The following DTWD2 variants were observed in gnomAD, a reference collection of about 807,000 sequenced individuals.
The protein encoded by DTWD2 is tRNA-uridine aminocarboxypropyltransferase 2.
A neutral mutation model predicts 31.8 loss-of-function variants in DTWD2; 39 were observed. The ratio of observed to expected loss-of-function variants is 1.22; its 90% CI spans 0.95 to 1.60. DTWD2 has a LOEUF of 1.60. Among genes scored for constraint, DTWD2 ranks in the 40% most tolerant of loss-of-function variants. The pLI, the probability that DTWD2 is intolerant of heterozygous loss-of-function variation, is 0.00. For missense variants in DTWD2, 515 were observed against 381.5 expected, an observed-to-expected ratio of 1.35 and a Z score of -2.92; for synonymous variants, 180 against 142.8, an observed-to-expected ratio of 1.26 and a Z score of -1.86.
chr5:118,905,923 G>C (rs1344427266), intron 4 of DTWD2, among the ~76,000 whole-genome samples: 2 of 152,048 alleles, frequency 1.3e-5, no homozygotes, highest in Non-Finnish European at 2.9e-5. Flanking sequence ...CTGCTTAGAG[G>C]ATAAGAAGAC....
intron 1 of DTWD2, among the ~76,000 whole-genome samples, chr5:118,970,678 C>T (rs1350122150): frequency 6.6e-6 from 1 of 152,060 alleles, no homozygotes; most frequent in Non-Finnish European, 1.5e-5. Flanking sequence ...TACCCCAAGA[C>T]ACGTAATCAA....
chr5:118,908,083 T>C (rs538561123), intron 4 of DTWD2, among the ~76,000 whole-genome samples: 1 of 152,350 alleles, frequency 6.6e-6, no homozygotes, highest in South Asian at 2.1e-4. Context: ...AATTATTTAA[T>C]TTCATGTTTA....
At chr5:118,841,824 G>A (rs1011778149) in intron 5 of DTWD2, among the ~76,000 whole-genome samples, 106 of 152,102 alleles carry the variant, frequency 7.0e-4, no homozygotes, top group African/African-American at 2.5e-3. Context: ...TATTTTGGGT[G>A]AGATTCCTTC....
intron 4 of DTWD2, among the ~76,000 whole-genome samples, chr5:118,915,605 A>T (rs1011647594): frequency 6.6e-5 from 10 of 152,078 alleles, no homozygotes; most frequent in African/African-American, 2.4e-4. Flanking sequence ...CGATCTCCTG[A>T]CCTTGTGATC....
intron 4 of DTWD2, among the ~76,000 whole-genome samples, chr5:118,852,462 G>C (rs1365425442): frequency 1.3e-5 from 2 of 152,144 alleles, no homozygotes; most frequent in African/African-American, 2.4e-5. Flanking sequence ...TGCGACTCCA[G>C]CTGGTCCCTC....
At chr5:118,907,574 T>C (rs900393146) in intron 4 of DTWD2, among the ~76,000 whole-genome samples, 3 of 151,780 alleles carry the variant, frequency 2.0e-5, no homozygotes, top group South Asian at 2.1e-4. Flanking sequence ...CTACTAAAAA[T>C]ACAAAAATTA....
chr5:118,954,569 A>T (rs1754543435), intron 1 of DTWD2, among the ~76,000 whole-genome samples: 1 of 152,136 alleles, frequency 6.6e-6, no homozygotes, highest in Admixed American at 6.6e-5. Context: ...GCTGGAGTGC[A>T]GTGGCATGAT....
chr5:118,961,436 T>G (rs1031236394), intron 1 of DTWD2, among the ~76,000 whole-genome samples: 1 of 152,236 alleles, frequency 6.6e-6, no homozygotes. Context: ...TCTCTCATAC[T>G]TAATTCACTA....
intron 4 of DTWD2, among the ~76,000 whole-genome samples, chr5:118,870,681 C>A (rs1752481715): frequency 6.6e-6 from 1 of 152,160 alleles, no homozygotes; most frequent in Non-Finnish European, 1.5e-5. Flanking sequence ...TGTCTGCTAA[C>A]TGATCAGAGT....
intron 1 of DTWD2, among the ~76,000 whole-genome samples, chr5:118,948,990 T>C (rs57879671): frequency 0.04 from 6,059 of 152,124 alleles, 401 homozygotes; most frequent in African/African-American, 0.14. Flanking sequence ...CCAGACACGA[T>C]CAGCAGGGAG....
chr5:118,865,383 C>G (rs1274765780), intron 4 of DTWD2, among the ~76,000 whole-genome samples: 1 of 152,074 alleles, frequency 6.6e-6, no homozygotes, highest in Non-Finnish European at 1.5e-5. Context: ...GTACTTCTAT[C>G]TTTACTTTCC....
intron 1 of DTWD2, chr5:118,988,087 A>G (rs1234449388): frequency 4.1e-6 from 3 of 726,000 alleles, no homozygotes; most frequent in South Asian, 2.9e-5. Flanking sequence ...TATTGCAGGA[A>G]GTAAGGTTAG....
intron 3 of DTWD2, among the ~76,000 whole-genome samples, chr5:118,932,993 T>C (rs1418337129): frequency 4.6e-5 from 7 of 151,454 alleles, no homozygotes; most frequent in Non-Finnish European, 8.8e-5. Context: ...AGGGTGATCA[T>C]TACTGATTCC....
chr5:118,848,831 A>C (rs1751929048), intron 4 of DTWD2, among the ~76,000 whole-genome samples: 3 of 152,190 alleles, frequency 2.0e-5, no homozygotes, highest in African/African-American at 7.2e-5. Context: ...ATACACAGAA[A>C]ACTGAAACTG....
intron 4 of DTWD2, among the ~76,000 whole-genome samples, chr5:118,877,125 T>C (rs867064384): frequency 1.3e-5 from 2 of 152,316 alleles, no homozygotes; most frequent in Admixed American, 6.5e-5. Flanking sequence ...ATACTCCTTA[T>C]CTCAATAGAT....
intron 3 of DTWD2, among the ~76,000 whole-genome samples, chr5:118,930,571 T>C (rs1753901291): frequency 1.3e-5 from 2 of 152,036 alleles, no homozygotes; most frequent in South Asian, 2.1e-4. Context: ...CATCTTGAAA[T>C]AGCCCGCAGC....
intron 1 of DTWD2, among the ~76,000 whole-genome samples, chr5:118,979,696 G>T (rs527659876): frequency 4.0e-4 from 61 of 152,344 alleles, no homozygotes; most frequent in African/African-American, 1.5e-3. Flanking sequence ...CATGTCCTTT[G>T]CAGGGACATG....
At chr5:118,933,253 T>C (rs1753965468) in intron 3 of DTWD2, among the ~76,000 whole-genome samples, 1 of 152,170 alleles carries the variant, frequency 6.6e-6, no homozygotes, top group South Asian at 2.1e-4. Flanking sequence ...AGAAATGGTA[T>C]CAATTCTCCA....
chr5:118,878,693 T>C (rs1449291638), intron 4 of DTWD2, among the ~76,000 whole-genome samples: 2 of 152,064 alleles, frequency 1.3e-5, no homozygotes, highest in East Asian at 1.9e-4. Context: ...AGTTTCTGCA[T>C]AGTAAAAGAA....
Sources: allele counts gnomAD v4.1 joint callset (sites outside exome capture counted in the v4.1 genomes callset), GRCh38; gene constraint gnomAD v4.1.1; transcripts MANE v1.5; gene names NCBI Gene and HGNC (gene_info 2026-07-23, HGNC 2026-07-21).